Variants in TBX3 observed in about 807,000 individuals in gnomAD.
The protein encoded by TBX3 is T-box transcription factor 3.
In TBX3, 11 loss-of-function variants were observed where a neutral mutation model predicts 47.8. The observed-to-expected ratio is 0.23, with a 90% confidence interval of 0.14 to 0.38. The LOEUF is 0.38. Ranked by LOEUF, TBX3 falls within the 10% of genes least tolerant of loss-of-function variation. TBX3 has a pLI of 1.00. For missense variants in TBX3, 927 were observed against 1,022.8 expected, an observed-to-expected ratio of 0.91 and a Z score of 1.28; for synonymous variants, 500 against 449.3, an observed-to-expected ratio of 1.11 and a Z score of -1.43.
chr12:114,676,133 T>A (rs1256781853), intron 5 of TBX3, among the ~76,000 whole-genome samples, 180 bp downstream of exon 5: 2 of 152,198 alleles, frequency 1.3e-5, no homozygotes, highest in Non-Finnish European at 2.9e-5. Context: ...TTCTACTGCC[T>A]TAGCGGGGAA....
chr12:114,674,689 G>T lies in TBX3; in HGVS notation c.1186C>A (p.Leu396Ile), dbSNP rs1160735321. Residue 396 changes from leucine to isoleucine, a missense_variant, in exon 6 of 7, where the codon CTT becomes ATT. Coordinates refer to ENST00000349155, the MANE Select transcript of TBX3 (RefSeq NM_005996.4). ...DKGSPAVKAH[L>I]FAAERPRDSG... The stretch of plus-strand genomic sequence containing the variant: ...TCCCGGGGCCGCTCAGCAGCGAAAA[G>T]GTGAGCCTTGACCGCGGGGCTGCCC... 1 of 1,607,096 alleles carries T rather than the reference G, an allele frequency of 6.2e-7. No homozygotes were observed. The highest frequency in any genetic ancestry group is 8.5e-7 in the Non-Finnish European group (1 of 1,179,122).
rs1168199803 is a variant in TBX3, at chr12:114,683,516, G to C, written c.-316C>G. On this transcript the variant is annotated 5_prime_UTR_variant, in exon 1 of 7. Coordinates refer to ENST00000349155, the MANE Select transcript of TBX3 (RefSeq NM_005996.4). The surrounding 1 kb of genome is among the most constrained non-coding windows in gnomAD (Gnocchi z 7.7). Reference sequence around the variant, plus strand: ...CCGCTCCTGAACGTCGGTTTCAGAAGCGAGAGGAGCGAGCAGGGTCTCGAC... The same window carrying C: ...CCGCTCCTGAACGTCGGTTTCAGAACCGAGAGGAGCGAGCAGGGTCTCGAC... 1 of 381,384 alleles carries C rather than the reference G, an allele frequency of 2.6e-6. No individual in the cohort carries two copies. The highest frequency in any genetic ancestry group is 4.2e-5 in the Admixed American group (1 of 23,980). The allele number at this position is 381,384 out of a possible 1,614,324, so 23.6% of individuals were successfully genotyped here. A position where few individuals can be genotyped will look rare whatever the true frequency, so the allele number is the denominator to read the frequency against.
chr12:114,670,661 C>T lies in TBX3; in HGVS notation c.*1180G>A, dbSNP rs564864118. ...TGAAAATAGGAAATAGCACTTTCCC[C>T]CACTTTTGGACATTAAAAAAGAAAA... On this transcript the variant is annotated 3_prime_UTR_variant, in exon 7 of 7. Transcript: ENST00000349155. 9.5e-6 allele frequency: 2 copies of T among 210,774 alleles called. No homozygotes were observed. Among genetic ancestry groups the T allele is most frequent in the East Asian group, 1.5e-4 (2 of 13,404 alleles). The allele number at this position is 210,774 out of a possible 1,614,324, so 13.1% of individuals were successfully genotyped here.
At chr12:114,677,697 A>C in intron 3 of TBX3, 41 bp from the exon 4 acceptor site, 4 of 1,593,524 alleles carry the variant, frequency 2.5e-6, no homozygotes, top group Non-Finnish European at 3.4e-6. Context: ...CATTGTTCTC[A>C]TTTTCTAGAA....
At position 114,671,503 on chromosome 12, in the gene TBX3, T is replaced by G; in HGVS notation, c.*338A>C. On this transcript the variant is annotated 3_prime_UTR_variant, in exon 7 of 7. Transcript: ENST00000349155. ...ATATATAAATCCGCACTGAGGGAGATGTCTTTGAACACCTCCCCGCCTGGT... is the reference window on the plus strand; with the variant it reads ...ATATATAAATCCGCACTGAGGGAGAGGTCTTTGAACACCTCCCCGCCTGGT... 4.7e-6 allele frequency: 2 copies of G among 429,526 alleles called. No individual in the cohort carries two copies. Among genetic ancestry groups the G allele is most frequent in the Non-Finnish European group, 8.4e-6 (2 of 236,986 alleles). The allele number at this position is 429,526 out of a possible 1,614,324, so 26.6% of individuals were successfully genotyped here.
At position 114,674,756 on chromosome 12, in the gene TBX3, G is replaced by C. The variant is rs772773117; in HGVS notation, c.1119C>G (p.Ala373=). The change falls in exon 6 of 7, where the codon GCC becomes GCG. Residue 373 remains alanine (A), a synonymous_variant. Coordinates refer to ENST00000349155, the MANE Select transcript of TBX3 (RefSeq NM_005996.4). ...CCTCCGACGTGGTGGTGGAGATCTT[G>C]GCCGCGTCGCAGGCCTCGGGGCCAT... is the stretch of plus-strand genomic sequence containing the variant. ...EEHGPEACDA[A]KISTTTSEEP... is the part of the protein sequence containing the mutation. 1.3e-6 allele frequency: 2 copies of C among 1,592,288 alleles called. No individual in the cohort carries two copies. The highest frequency in any genetic ancestry group is 1.7e-6 in the Non-Finnish European group (2 of 1,174,036).
rs765125328 is a variant in TBX3 at position 114,679,490 on chromosome 12, G to T, written c.804+15C>A. ...CAAAATATCACCATTAAAAAGGAAAGCCCCTTGAGTTTACCTTATCATTCT... is the reference window on the plus strand; with the variant it reads ...CAAAATATCACCATTAAAAAGGAAATCCCCTTGAGTTTACCTTATCATTCT... On this transcript the variant is annotated intron_variant, in intron 3 of 6. Transcript: ENST00000349155. 4 of 1,614,122 alleles carry T rather than the reference G, an allele frequency of 2.5e-6. No individual in the cohort carries two copies. The highest frequency in any genetic ancestry group is 3.4e-6 in the Non-Finnish European group (4 of 1,180,014).
In TBX3 at chr12:114,671,120, G is replaced by C. The variant is rs891949215; in HGVS notation, c.*721C>G. 9.5e-6 allele frequency: 2 copies of C among 210,804 alleles called. No homozygotes were observed. Among genetic ancestry groups the C allele is most frequent in the African/African-American group, 2.3e-5 (1 of 44,138 alleles). The allele number at this position is 210,804 out of a possible 1,614,324, so 13.1% of individuals were successfully genotyped here. On this transcript the variant is annotated 3_prime_UTR_variant, in exon 7 of 7. Transcript: ENST00000349155. Reference sequence around the variant, plus strand: ...CCCTCCCTTGGGTCACTGATTTGAGGGCAAAGGATTGGGAAAAGGGTAGGG... The same window carrying C: ...CCCTCCCTTGGGTCACTGATTTGAGCGCAAAGGATTGGGAAAAGGGTAGGG...
chr12:114,674,852 A>T lies in TBX3; in HGVS notation c.1040-17T>A, dbSNP rs1379719373. On this transcript the variant is annotated splice_polypyrimidine_tract_variant and intron_variant, in intron 5 of 6. Transcript: ENST00000349155. ...GACATAAATCTACCACAGGCGAAGGAAAAAACCAAGGCAGAAGGGCGTTAT... is the reference window on the plus strand; with the variant it reads ...GACATAAATCTACCACAGGCGAAGGTAAAAACCAAGGCAGAAGGGCGTTAT... 2 of 1,558,902 alleles carry T rather than the reference A, an allele frequency of 1.3e-6. No homozygotes were observed. Among genetic ancestry groups the T allele is most frequent in the Non-Finnish European group, 1.7e-6 (2 of 1,158,644 alleles).
rs777552683 is a variant in TBX3, at chr12:114,672,186, G to C, written c.1827C>G (p.Leu609=). 8 of 1,572,596 alleles carry C rather than the reference G, an allele frequency of 5.1e-6. No individual in the cohort carries two copies. In the South Asian group the frequency reaches 9.4e-5, roughly 18 times the overall value. ...ASSSVHRHPF[L]NLNTMRPRLR... ...GCCGCGGGCGCATGGTGTTCAGATTGAGGAAGGGGTGGCGGTGCACCGAGC... is the reference window on the plus strand; with the variant it reads ...GCCGCGGGCGCATGGTGTTCAGATTCAGGAAGGGGTGGCGGTGCACCGAGC... The change falls in exon 7 of 7, where the codon CTC becomes CTG. Residue 609 remains leucine (L), a synonymous_variant. Coordinates refer to ENST00000349155, the MANE Select transcript of TBX3 (RefSeq NM_005996.4).
Position 114,672,241 on chromosome 12 carries a change from G to T in TBX3, c.1772C>A (p.Ala591Glu), listed in dbSNP as rs867049310. ...FPYPYTYMAA[A>E]AAASSAAASS... The stretch of plus-strand genomic sequence containing the variant: ...GGCTGCCGCAGAGGAGGCGGCCGCC[G>T]CTGCGGCCATGTACGTGTAGGGGTA... The change falls in exon 7 of 7, where the codon GCG (alanine) becomes GAG (glutamate). Residue 591 changes from alanine (A) to glutamate (E), a missense_variant. Transcript: ENST00000349155. 1 of 1,574,990 alleles carries T rather than the reference G, an allele frequency of 6.3e-7. No individual in the cohort carries two copies. The highest frequency in any genetic ancestry group is 8.6e-7 in the Non-Finnish European group (1 of 1,161,320).
At position 114,683,787 on chromosome 12, in the gene TBX3, C is replaced by G. The variant is rs1420165404; in HGVS notation, c.-587G>C. 5.2e-6 allele frequency: 1 copy of G among 192,096 alleles called. No homozygotes were observed. Among genetic ancestry groups the G allele is most frequent in the East Asian group, 6.3e-5 (1 of 15,924 alleles). The allele number at this position is 192,096 out of a possible 1,614,324, so 11.9% of individuals were successfully genotyped here. A position where few individuals can be genotyped will look rare whatever the true frequency, so the allele number is the denominator to read the frequency against. On this transcript the variant is annotated 5_prime_UTR_variant, in exon 1 of 7. Coordinates refer to ENST00000349155, the MANE Select transcript of TBX3 (RefSeq NM_005996.4). This position sits in a 1 kb window ranked among gnomAD's most constrained non-coding sequence, Gnocchi z 7.7. The stretch of plus-strand genomic sequence containing the variant: ...CGAGAGAGCGGAAAAAGTCTCTCTC[C>G]TTTAAAAAAAAAAAAATCTGATTTA...
intron 1 of TBX3, 128 bp downstream of exon 1, chr12:114,682,684 A>T: frequency 7.0e-7 from 1 of 1,437,888 alleles, no homozygotes; most frequent in Non-Finnish European, 9.6e-7. Context: ...GTCTGTGCAT[A>T]CATTTCTAGG....
At position 114,672,147 on chromosome 12, in the gene TBX3, G is replaced by T; in HGVS notation, c.1866C>A (p.Pro622=). 6.4e-7 allele frequency: 1 copy of T among 1,573,046 alleles called. No individual in the cohort carries two copies. ...CCGGGACCGGCACCGGGATGGAGTA[G>T]GGGCTGTAGCGCAGCCGCGGGCGCA... ...NTMRPRLRYS[P]YSIPVPVPDG... is the part of the protein sequence containing the mutation. Residue 622 remains proline (P), a synonymous_variant, in exon 7 of 7, where the codon CCC becomes CCA. Transcript: ENST00000349155.
At chr12:114,672,863 AACAG>A (rs1358774524) in intron 6 of TBX3, among the ~76,000 whole-genome samples, 3 of 152,354 alleles carry the variant, frequency 2.0e-5, no homozygotes, top group African/African-American at 7.2e-5. Context: ...AAACAAAAAA[AACAG>A]ACAGTGAAGA....
chr12:114,675,995 G>C (rs1192533015), intron 5 of TBX3, among the ~76,000 whole-genome samples: 2 of 152,004 alleles, frequency 1.3e-5, no homozygotes, highest in East Asian at 1.9e-4. Flanking sequence ...CAGAGACAGA[G>C]AGAAAAGAGA....
chr12:114,671,879 C>A lies in TBX3; in HGVS notation c.2134G>T (p.Glu712Ter). The A allele has an allele frequency of 6.4e-7, 1 of 1,563,798 alleles. No homozygotes were observed. Among genetic ancestry groups the A allele is most frequent in the Admixed American group, 1.9e-5 (1 of 52,258 alleles). The change falls in exon 7 of 7, where the codon GAA (glutamate) becomes TAA (stop). Residue 712 changes from glutamate (E) to a stop codon, truncating the protein, a stop_gained. Transcript: ENST00000349155. LOFTEE classifies it high-confidence loss of function. ...CTGCGGGACCTGTCCGGCTTGGCTT[C>A]CAAGCCGCTAACCAACCGCTGGATG... ...QSIQRLVSGLEAKPDRSRSAS... is the reference protein window; with the variant it reads ...QSIQRLVSGL
At chr12:114,672,755 G>C (rs781266683) in intron 6 of TBX3, among the ~76,000 whole-genome samples, 1 of 152,054 alleles carries the variant, frequency 6.6e-6, no homozygotes, top group Admixed American at 6.6e-5. Flanking sequence ...GAAGCCGGAG[G>C]ACATAAATTA....
chr12:114,674,544 G>T lies in TBX3; in HGVS notation c.1331C>A (p.Pro444Gln). ...RRSPVREGTA[P>Q]AKVEEARALP... is the part of the protein sequence containing the mutation. The stretch of plus-strand genomic sequence containing the variant: ...CGCGCGCGCCTCTTCCACCTTGGCC[G>T]GCGCTGTGCCCTCGCGAACCGGGCT... The change falls in exon 6 of 7, where the codon CCG becomes CAG. Residue 444 changes from proline (P) to glutamine (Q), a missense_variant. Coordinates refer to ENST00000349155, the MANE Select transcript of TBX3 (RefSeq NM_005996.4). 6.5e-7 allele frequency: 1 copy of T among 1,544,500 alleles called. No individual in the cohort carries two copies. The highest frequency in any genetic ancestry group is 1.2e-5 in the South Asian group (1 of 82,222).
Sources: allele counts gnomAD v4.1 joint callset (sites outside exome capture counted in the v4.1 genomes callset), GRCh38; gene constraint gnomAD v4.1.1; non-coding constraint Gnocchi (gnomAD v3.1); transcripts MANE v1.5; gene names NCBI Gene and HGNC (gene_info 2026-07-23, HGNC 2026-07-21).